The following GRIP1 variants were observed in gnomAD, a reference collection of about 807,000 sequenced individuals.
GRIP1 encodes the protein glutamate receptor interacting protein 1.
GRIP1 carries 45 observed loss-of-function variants against 129.9 expected under a neutral mutation model. The ratio of observed to expected loss-of-function variants is 0.35; its 90% CI spans 0.27 to 0.44. GRIP1 has a LOEUF of 0.44. GRIP1 is among the 20% of genes least tolerant of loss of function. GRIP1 has a pLI of 1.00. For synonymous variants in GRIP1, 530 were observed against 520.8 expected (o/e 1.02, Z -0.24); for missense variants, 1,196 against 1,396.8 (o/e 0.86, Z 2.29).
intron 1 of GRIP1, among the ~76,000 whole-genome samples, chr12:66,975,704 C>T (rs564289079): frequency 6.6e-6 from 1 of 152,220 alleles, no homozygotes; most frequent in East Asian, 1.9e-4. Context: ...GGGCAAAATA[C>T]AGAGACCAGT....
intron 1 of GRIP1, among the ~76,000 whole-genome samples, chr12:66,842,333 T>C (rs1411432076): frequency 1.3e-5 from 2 of 152,092 alleles, no homozygotes; most frequent in Non-Finnish European, 2.9e-5. Context: ...AATACAATTG[T>C]ATATTGGAAG....
chr12:66,709,462 G>C (rs1033016756), intron 1 of GRIP1, among the ~76,000 whole-genome samples: 1 of 151,910 alleles, frequency 6.6e-6, no homozygotes, highest in African/African-American at 2.4e-5. Context: ...GGCAAAACCT[G>C]ATCTGAGCTG....
At chr12:66,359,981 A>T (rs1278906685) in intron 23 of GRIP1, among the ~76,000 whole-genome samples, 1 of 152,202 alleles carries the variant, frequency 6.6e-6, no homozygotes, top group Non-Finnish European at 1.5e-5. Context: ...TGAATCTTTT[A>T]TCCAGTTACT....
chr12:66,562,707 G>A (rs549318292), intron 2 of GRIP1, among the ~76,000 whole-genome samples: 63 of 152,046 alleles, frequency 4.1e-4, no homozygotes, highest in African/African-American at 1.2e-3. Flanking sequence ...ATGTATGTAC[G>A]TATAATACAA....
At chr12:66,596,170 A>C (rs1004015217) in intron 2 of GRIP1, among the ~76,000 whole-genome samples, 12 of 152,320 alleles carry the variant, frequency 7.9e-5, no homozygotes, top group African/African-American at 2.6e-4. Context: ...TATTTAGTTC[A>C]GATTGTTTGA....
chr12:66,715,105 G>A (rs922860236), intron 1 of GRIP1, among the ~76,000 whole-genome samples: 6 of 151,756 alleles, frequency 4.0e-5, no homozygotes, highest in African/African-American at 1.2e-4. Flanking sequence ...CTTCTTCATC[G>A]ACGGCCAGGG....
intron 1 of GRIP1, among the ~76,000 whole-genome samples, chr12:66,774,216 G>A (rs917582119): frequency 6.6e-6 from 1 of 152,098 alleles, no homozygotes; most frequent in African/African-American, 2.4e-5. Context: ...GCCATCCATA[G>A]AAATGGAATT....
chr12:66,874,947 A>G (rs1290708450), intron 1 of GRIP1, among the ~76,000 whole-genome samples: 1 of 152,090 alleles, frequency 6.6e-6, no homozygotes, highest in Non-Finnish European at 1.5e-5. Flanking sequence ...ATTCTAAGAT[A>G]TATTACATTT....
chr12:66,736,728 C>A (rs1421253847), intron 1 of GRIP1, among the ~76,000 whole-genome samples: 1 of 151,684 alleles, frequency 6.6e-6, no homozygotes, highest in South Asian at 2.1e-4. Context: ...TCATCTGCTA[C>A]TAAAAGTCCC....
chr12:66,698,282 A>G (rs2035233846), intron 1 of GRIP1, among the ~76,000 whole-genome samples: 1 of 152,248 alleles, frequency 6.6e-6, no homozygotes, highest in African/African-American at 2.4e-5. Flanking sequence ...CTAAGATCAC[A>G]ATTAATTGTA....
In GRIP1 at chr12:66,404,847, C is replaced by T. The variant is rs149540237; in HGVS notation, c.1984+1436G>A. On this transcript the variant is annotated intron_variant, in intron 16 of 24. Transcript: ENST00000359742. ...AGGAGTTTGAGACCAGCCTGGCCAA[C>T]ATGGCAAAACTCCATCTCTACTAAA... is the stretch of plus-strand genomic sequence containing the variant. 5.9e-3 allele frequency among the ~76,000 whole-genome samples: 900 copies of T among 152,222 alleles called. 14 individuals carry two copies. Among genetic ancestry groups the T allele is most frequent in the African/African-American group, 0.021 (867 of 41,526 alleles).
rs1053074928 is a variant in GRIP1, at chr12:66,551,239, C to T, written c.137-9289G>A. Among the ~76,000 whole-genome samples, 11 of 152,198 alleles carry T rather than the reference C, an allele frequency of 7.2e-5. No homozygotes were observed. In the South Asian group the frequency reaches 8.3e-4, roughly 11 times the overall value. On this transcript the variant is annotated intron_variant, in intron 2 of 24. Transcript: ENST00000359742. ...TGAAGACCAATAATCACTGCCTCTA[C>T]CTTTCTGCAATTCACATTCTAAATG...
At chr12:66,450,680 GAA>G (rs1247153928) in intron 11 of GRIP1, among the ~76,000 whole-genome samples, 2 of 151,946 alleles carry the variant, frequency 1.3e-5, no homozygotes, top group Non-Finnish European at 2.9e-5. Context: ...AATTAACTCT[GAA>G]AGTCTTCTGA....
intron 1 of GRIP1, among the ~76,000 whole-genome samples, chr12:66,842,399 G>C (rs2039735615): frequency 6.6e-6 from 1 of 151,926 alleles, no homozygotes; most frequent in Non-Finnish European, 1.5e-5. Context: ...TCTGTTTCTG[G>C]AGCAGACTGT....
intron 1 of GRIP1, among the ~76,000 whole-genome samples, chr12:66,907,189 T>C (rs1217278883): frequency 6.6e-6 from 1 of 152,238 alleles, no homozygotes; most frequent in Admixed American, 6.5e-5. Flanking sequence ...TGATGGAATG[T>C]GTAAGTTCTA....
intron 1 of GRIP1, among the ~76,000 whole-genome samples, chr12:66,786,358 G>A (rs993017735): frequency 6.6e-6 from 1 of 152,140 alleles, no homozygotes; most frequent in Non-Finnish European, 1.5e-5. Flanking sequence ...ACAGAACTTT[G>A]TTGGTGGACA....
intron 1 of GRIP1, among the ~76,000 whole-genome samples, chr12:66,980,408 C>T (rs1446508639): frequency 1.3e-5 from 2 of 151,972 alleles, no homozygotes; most frequent in African/African-American, 2.4e-5. Flanking sequence ...GTCAAGAGAT[C>T]GAGACCATCC....
At chr12:66,664,403 A>T (rs1291237174) in intron 1 of GRIP1, among the ~76,000 whole-genome samples, 2 of 152,194 alleles carry the variant, frequency 1.3e-5, no homozygotes, top group African/African-American at 4.8e-5. Context: ...ACATTAGATA[A>T]ACATTCATAG....
intron 1 of GRIP1, among the ~76,000 whole-genome samples, chr12:66,900,461 T>G (rs1409044788): frequency 6.6e-6 from 1 of 152,158 alleles, no homozygotes; most frequent in Non-Finnish European, 1.5e-5. Flanking sequence ...CCTCTTGATC[T>G]TGGACTTCCT....
Sources: allele counts gnomAD v4.1 joint callset (sites outside exome capture counted in the v4.1 genomes callset), GRCh38; gene constraint gnomAD v4.1.1; transcripts MANE v1.5; gene names NCBI Gene and HGNC (gene_info 2026-07-23, HGNC 2026-07-21).